The following IMMP2L variants were observed in gnomAD, a reference collection of about 807,000 sequenced individuals.
IMMP2L encodes mitochondrial inner membrane protease subunit 2.
Under a neutral mutation model 19.3 loss-of-function variants are expected in IMMP2L, and 18 were observed. That is an observed-to-expected ratio of 0.93 (90% CI 0.64 to 1.38). IMMP2L has a LOEUF of 1.38. IMMP2L is among the 40% of genes most tolerant of loss of function. IMMP2L has a pLI of 0.00. For synonymous variants in IMMP2L, 76 were observed against 73.0 expected, an observed-to-expected ratio of 1.04 and a Z score of -0.21; for missense variants, 233 against 218.2, an observed-to-expected ratio of 1.07 and a Z score of -0.43.
At chr7:111,176,628 G>C (rs1807089454) in intron 3 of IMMP2L, among the ~76,000 whole-genome samples, 1 of 151,964 alleles carries the variant, frequency 6.6e-6, no homozygotes, top group Admixed American at 6.6e-5. Context: ...ACTGGGAAGG[G>C]TAATGGAAGC....
At chr7:111,163,824 C>T (rs1048523620) in intron 3 of IMMP2L, among the ~76,000 whole-genome samples, 3 of 151,936 alleles carry the variant, frequency 2.0e-5, no homozygotes, top group Admixed American at 1.3e-4. Context: ...TTGAGAATGT[C>T]TTTGTTCTAA....
chr7:110,963,926 T>C (rs192587448), intron 3 of IMMP2L, among the ~76,000 whole-genome samples: 2 of 151,514 alleles, frequency 1.3e-5, no homozygotes, highest in African/African-American at 4.8e-5. Context: ...TAATTTCGAA[T>C]TGTAATCCCC....
chr7:111,115,621 G>A (rs565099998), intron 3 of IMMP2L, among the ~76,000 whole-genome samples: 82 of 151,706 alleles, frequency 5.4e-4, no homozygotes, highest in Admixed American at 9.2e-4. Flanking sequence ...GACGTATTAG[G>A]GTGAGACATT....
At chr7:111,520,602 T>C (rs994895752) in intron 2 of IMMP2L, among the ~76,000 whole-genome samples, 1 of 152,146 alleles carries the variant, frequency 6.6e-6, no homozygotes, top group Non-Finnish European at 1.5e-5. Flanking sequence ...GTTATTTGTT[T>C]TATACAACTA....
chr7:110,891,680 T>C (rs1810816004), intron 4 of IMMP2L, among the ~76,000 whole-genome samples: 2 of 152,124 alleles, frequency 1.3e-5, no homozygotes, highest in African/African-American at 4.8e-5. Flanking sequence ...AGGAAGAATA[T>C]AATATTTTAA....
intron 4 of IMMP2L, among the ~76,000 whole-genome samples, chr7:110,956,049 C>A (rs1014592278): frequency 2.6e-5 from 4 of 151,950 alleles, no homozygotes; most frequent in Non-Finnish European, 5.9e-5. Context: ...ATGATTCAAC[C>A]AGCTATGATA....
intron 2 of IMMP2L, among the ~76,000 whole-genome samples, chr7:111,504,663 T>C (rs1291190316): frequency 1.3e-5 from 2 of 151,838 alleles, no homozygotes; most frequent in Non-Finnish European, 2.9e-5. Context: ...TCAGAAATAA[T>C]GCCGCATATC....
At position 111,240,745 on chromosome 7, in the gene IMMP2L, C is replaced by G. The variant is rs142466964; in HGVS notation, c.239+246493G>C. Among the ~76,000 whole-genome samples, 669 of 151,960 alleles carry G rather than the reference C, an allele frequency of 4.4e-3. 5 individuals carry two copies. Among genetic ancestry groups the G allele is most frequent in the African/African-American group, 0.016 (648 of 41,496 alleles). On this transcript the variant is annotated intron_variant, in intron 3 of 5. Transcript: ENST00000405709. The stretch of plus-strand genomic sequence containing the variant: ...TATTGACCTAATTTATATTGGTAGT[C>G]TGCCCAATTACCTTTGCTAAATTTC...
At chr7:110,742,221 T>A (rs1797032959) in intron 5 of IMMP2L, among the ~76,000 whole-genome samples, 1 of 152,170 alleles carries the variant, frequency 6.6e-6, no homozygotes, top group African/African-American at 2.4e-5. Context: ...AATGGTAACT[T>A]TTTTCTAAAA....
intron 3 of IMMP2L, among the ~76,000 whole-genome samples, chr7:111,315,688 T>C (rs1214228786): frequency 2.0e-5 from 3 of 151,496 alleles, no homozygotes; most frequent in South Asian, 2.1e-4. Flanking sequence ...ACTACGTCCA[T>C]TTAAGCAAAC....
chr7:110,994,094 G>C (rs553824373), intron 3 of IMMP2L, among the ~76,000 whole-genome samples: 42 of 150,792 alleles, frequency 2.8e-4, no homozygotes, highest in Non-Finnish European at 5.3e-4. Flanking sequence ...AAATAGCTTT[G>C]ATCATTCATT....
chr7:111,462,197 C>T (rs188581473), intron 3 of IMMP2L, among the ~76,000 whole-genome samples: 7 of 152,074 alleles, frequency 4.6e-5, no homozygotes, highest in African/African-American at 9.6e-5. Flanking sequence ...TTATTATGTA[C>T]ACATGTCAAT....
At chr7:111,509,777 T>C (rs1845273351) in intron 2 of IMMP2L, among the ~76,000 whole-genome samples, 1 of 152,122 alleles carries the variant, frequency 6.6e-6, no homozygotes, top group Admixed American at 6.6e-5. Context: ...AAAAACTTTT[T>C]AGGAGAATAG....
At chr7:110,725,838 ATGAATACCAG>A (rs1296658448) in intron 5 of IMMP2L, 2 of 152,226 alleles carry the variant, frequency 1.3e-5, no homozygotes, top group Admixed American at 1.3e-4. Flanking sequence ...AACTTAAAGA[ATGAATACCAG>A]TGGTATTAGT....
At chr7:111,243,549 G>A (rs1428406383) in intron 3 of IMMP2L, among the ~76,000 whole-genome samples, 1 of 142,848 alleles carries the variant, frequency 7.0e-6, no homozygotes, top group Non-Finnish European at 1.5e-5. Flanking sequence ...AAGTTTTAGG[G>A]TACATGTGCA....
In IMMP2L at chr7:110,831,324, T is replaced by C. The variant is rs1298116095; in HGVS notation, c.408+55269A>G. Reference sequence around the variant, plus strand: ...AGGGTTTGTGTGATTACATTAAATATTGCCCCCTCCCCTAGAAACATTCAG... The same window carrying C: ...AGGGTTTGTGTGATTACATTAAATACTGCCCCCTCCCCTAGAAACATTCAG... On this transcript the variant is annotated intron_variant, in intron 5 of 5. Coordinates refer to ENST00000405709, the MANE Select transcript of IMMP2L (RefSeq NM_032549.4). Among the ~76,000 whole-genome samples the C allele has an allele frequency of 2.0e-5, 3 of 152,260 alleles. No homozygotes were observed. The East Asian group carries it at 5.8e-4, about 29-fold the overall frequency.
chr7:110,804,646 T>A (rs1469246344), intron 5 of IMMP2L, among the ~76,000 whole-genome samples: 1 of 152,086 alleles, frequency 6.6e-6, no homozygotes, highest in Admixed American at 6.5e-5. Flanking sequence ...TTTGGGTCAA[T>A]AGGATGTGCG....
Position 110,679,636 on chromosome 7 carries a change from C to T in IMMP2L, c.409-15915G>A, listed in dbSNP as rs906065180. On this transcript the variant is annotated intron_variant, in intron 5 of 5. Coordinates refer to ENST00000405709, the MANE Select transcript of IMMP2L (RefSeq NM_032549.4). Reference sequence around the variant, plus strand: ...CGTATCTGGTACCCACTGCCAATCCCGCTGCTGTGGTGAATGCAGCTATTC... The same window carrying T: ...CGTATCTGGTACCCACTGCCAATCCTGCTGCTGTGGTGAATGCAGCTATTC... Among the ~76,000 whole-genome samples, 4 of 152,092 alleles carry T rather than the reference C, an allele frequency of 2.6e-5. No homozygotes were observed. In the East Asian group the frequency reaches 7.8e-4, roughly 30 times the overall value.
At chr7:111,499,882 G>A (rs953129719) in intron 2 of IMMP2L, among the ~76,000 whole-genome samples, 10 of 152,114 alleles carry the variant, frequency 6.6e-5, no homozygotes, top group South Asian at 2.1e-4. Context: ...AATGAGCGAC[G>A]CAGAAGACGG....
Sources: allele counts gnomAD v4.1 joint callset (sites outside exome capture counted in the v4.1 genomes callset), GRCh38; gene constraint gnomAD v4.1.1; transcripts MANE v1.5; gene names NCBI Gene and HGNC (gene_info 2026-07-23, HGNC 2026-07-21).